The following BAALC variants were observed in gnomAD, a reference collection of about 807,000 sequenced individuals.
BAALC encodes BAALC binder of MAP3K1 and KLF4, also known as brain and acute leukemia cytoplasmic protein.
BAALC carries 9 observed loss-of-function variants against 15.5 expected under a neutral mutation model. The observed-to-expected ratio is 0.58, with a 90% CI of 0.35 to 1.02. The LOEUF (loss-of-function observed/expected upper bound fraction) is 1.02, where lower values mean the gene tolerates loss of function less well. Ranked by LOEUF, BAALC falls within the 50% of genes least tolerant of loss-of-function variation. The probability of loss-of-function intolerance (pLI) is 0.02; values close to 1 mark genes in which losing one functional copy is unlikely to be tolerated. For missense variants in BAALC, 201 were observed against 192.4 expected (o/e 1.04, Z -0.27); for synonymous variants, 80 against 74.6 (o/e 1.07, Z -0.37).
chr8:103,188,924 A>T (rs1239302808), intron 1 of BAALC, among the ~76,000 whole-genome samples: 1 of 152,246 alleles, frequency 6.6e-6, no homozygotes, highest in African/African-American at 2.4e-5. Flanking sequence ...TTGAAACGTT[A>T]AAAGTGGAGA....
chr8:103,189,183 C>T (rs1468686205), intron 1 of BAALC, among the ~76,000 whole-genome samples: 1 of 152,152 alleles, frequency 6.6e-6, no homozygotes, highest in African/African-American at 2.4e-5. Context: ...CAGAATACAT[C>T]CACTACAACT....
At position 103,140,748 on chromosome 8, in the gene BAALC, A is replaced by T; in HGVS notation, c.-150A>T. The stretch of plus-strand genomic sequence containing the variant: ...CCGGACTAGGGGCGGCGGGCACCGC[A>T]GGAGCTCCGCGCGGCTGCAGCGCGG... On this transcript the variant is annotated 5_prime_UTR_variant, in exon 1 of 3. Coordinates refer to ENST00000309982, the MANE Select transcript of BAALC (RefSeq NM_024812.3). This position sits in a 1 kb window ranked among gnomAD's most constrained non-coding sequence, Gnocchi z 4.2. 1.8e-6 allele frequency: 1 copy of T among 549,494 alleles called. No individual in the cohort carries two copies. The highest frequency in any genetic ancestry group is 2.5e-6 in the Non-Finnish European group (1 of 397,770). The allele number at this position is 549,494 out of a possible 1,614,324, so 34.0% of individuals were successfully genotyped here. A position where few individuals can be genotyped will look rare whatever the true frequency, so the allele number is the denominator to read the frequency against.
intron 1 of BAALC, among the ~76,000 whole-genome samples, chr8:103,155,125 A>T (rs933934816): frequency 6.6e-6 from 1 of 151,974 alleles, no homozygotes; most frequent in African/African-American, 2.4e-5. Flanking sequence ...TCTCTAATAA[A>T]CTGGGACTCT....
At chr8:103,211,832 T>G (rs542565876) in intron 1 of BAALC, among the ~76,000 whole-genome samples, 1 of 152,204 alleles carries the variant, frequency 6.6e-6, no homozygotes, top group African/African-American at 2.4e-5. Context: ...CCCTGCCCCA[T>G]ACAGACTCCT....
chr8:103,184,811 C>T (rs1811796957), intron 1 of BAALC, among the ~76,000 whole-genome samples: 1 of 152,222 alleles, frequency 6.6e-6, no homozygotes, highest in African/African-American at 2.4e-5. Flanking sequence ...GGTGACTGTT[C>T]AGCTGCTAAC....
intron 1 of BAALC, among the ~76,000 whole-genome samples, chr8:103,210,716 T>C (rs1284359697): frequency 2.0e-5 from 3 of 152,374 alleles, no homozygotes; most frequent in African/African-American, 7.2e-5. Context: ...ATAACATCTT[T>C]AGTAAATCAA....
In BAALC at chr8:103,146,837, AG is replaced by A. The variant is rs201611504; in HGVS notation, c.160+5782del. 1.2e-3 allele frequency among the ~76,000 whole-genome samples: 182 copies of A among 152,350 alleles called. 1 individual carries two copies. In the East Asian group the frequency reaches 0.025, roughly 21 times the overall value. On this transcript the variant is annotated intron_variant, in intron 1 of 2. Coordinates refer to ENST00000309982, the MANE Select transcript of BAALC (RefSeq NM_024812.3). The stretch of plus-strand genomic sequence containing the variant: ...GGTAACAAACCTAGGCAGTTTGTAA[AG>A]GTTTAGGCAGCCTCATGTTCCCATG...
chr8:103,156,523 G>A lies in BAALC; in HGVS notation c.160+15466G>A, dbSNP rs149357073. ...GGGATGCCTTAATCCCTTCAGCACA[G>A]GTCACTGTTGATTTAGAGAGTTGGG... On this transcript the variant is annotated intron_variant, in intron 1 of 2. Coordinates refer to ENST00000309982, the MANE Select transcript of BAALC (RefSeq NM_024812.3). Among the ~76,000 whole-genome samples, 743 of 152,296 alleles carry A rather than the reference G, an allele frequency of 4.9e-3. 2 individuals carry two copies. The highest frequency in any genetic ancestry group is 8.7e-3 in the Non-Finnish European group (594 of 68,018).
At chr8:103,173,194 C>A (rs1811537371) in intron 1 of BAALC, among the ~76,000 whole-genome samples, 1 of 152,170 alleles carries the variant, frequency 6.6e-6, no homozygotes, top group Admixed American at 6.5e-5. Flanking sequence ...GCACTTACTG[C>A]AAGTTGGTGC....
At chr8:103,170,266 T>C (rs1485910934) in intron 1 of BAALC, among the ~76,000 whole-genome samples, 1 of 151,876 alleles carries the variant, frequency 6.6e-6, no homozygotes, top group East Asian at 1.9e-4. Flanking sequence ...CTTGGTTATA[T>C]TGTAGAAAAT....
At chr8:103,163,259 T>C (rs1214800375) in intron 1 of BAALC, among the ~76,000 whole-genome samples, 4 of 152,118 alleles carry the variant, frequency 2.6e-5, no homozygotes, top group African/African-American at 7.2e-5. Flanking sequence ...CCCACGTCTC[T>C]TCACGCCCTT....
intron 1 of BAALC, among the ~76,000 whole-genome samples, chr8:103,203,986 C>T (rs552020417): frequency 1.1e-3 from 160 of 152,284 alleles, no homozygotes; most frequent in African/African-American, 3.7e-3. Flanking sequence ...CTATGTTCAA[C>T]CTTTTACAGA....
At chr8:103,200,224 A>G (rs1812183945) in intron 1 of BAALC, among the ~76,000 whole-genome samples, 1 of 152,218 alleles carries the variant, frequency 6.6e-6, no homozygotes, top group Non-Finnish European at 1.5e-5. Flanking sequence ...GGTTGTGGAG[A>G]AAAAGGACAC....
intron 1 of BAALC, among the ~76,000 whole-genome samples, chr8:103,161,771 C>T (rs1811230235): frequency 6.6e-6 from 1 of 152,170 alleles, no homozygotes; most frequent in African/African-American, 2.4e-5. Flanking sequence ...TTCCCCATAG[C>T]CCTGCCAGTA....
chr8:103,174,277 G>T (rs1314931346), intron 1 of BAALC, among the ~76,000 whole-genome samples: 1 of 120,320 alleles, frequency 8.3e-6, no homozygotes, highest in South Asian at 2.9e-4. Flanking sequence ...AAAAAAAAAA[G>T]TGCCAGTCTG....
At chr8:103,209,359 G>A (rs62525460) in intron 1 of BAALC, among the ~76,000 whole-genome samples, 4,923 of 152,136 alleles carry the variant, frequency 0.032, 93 homozygotes, top group Middle Eastern at 0.051. Context: ...GCAACAGAGC[G>A]AGACTCCATC....
intron 1 of BAALC, among the ~76,000 whole-genome samples, chr8:103,147,080 A>T (rs1003613335): frequency 6.6e-6 from 1 of 152,246 alleles, no homozygotes; most frequent in Non-Finnish European, 1.5e-5. Flanking sequence ...GAAAATGAAT[A>T]AATGAATGAA....
chr8:103,167,536 G>A (rs868235887), intron 1 of BAALC, among the ~76,000 whole-genome samples: 4 of 152,148 alleles, frequency 2.6e-5, no homozygotes, highest in African/African-American at 7.2e-5. Flanking sequence ...GATAGCATAC[G>A]AACTCATACA....
At chr8:103,154,239 T>TGGCTTTA (rs1251151475) in intron 1 of BAALC, among the ~76,000 whole-genome samples, 7 of 152,086 alleles carry the variant, frequency 4.6e-5, no homozygotes, top group African/African-American at 1.7e-4. Context: ...AAGGGGGTAG[T>TGGCTTTA]CAGAGCGGTG....
Sources: allele counts gnomAD v4.1 joint callset (sites outside exome capture counted in the v4.1 genomes callset), GRCh38; gene constraint gnomAD v4.1.1; non-coding constraint Gnocchi (gnomAD v3.1); transcripts MANE v1.5; gene names NCBI Gene and HGNC (gene_info 2026-07-23, HGNC 2026-07-21).